Variants in OR4E2 observed in about 807,000 individuals in gnomAD.
The protein encoded by OR4E2 is olfactory receptor family 4 subfamily E member 2.
A neutral mutation model predicts 11.0 loss-of-function variants in OR4E2; 9 were observed. That is an observed-to-expected ratio of 0.82 (90% CI 0.49 to 1.43). OR4E2 has a LOEUF of 1.43. Among genes scored for constraint, OR4E2 ranks in the 40% most tolerant of loss-of-function variants. The pLI is 0.00. For synonymous variants in OR4E2, 159 were observed against 147.3 expected, an observed-to-expected ratio of 1.08 and a Z score of -0.57; for missense variants, 441 against 382.0, an observed-to-expected ratio of 1.15 and a Z score of -1.29.
intron 2 of OR4E2, among the ~76,000 whole-genome samples, chr14:21,657,444 C>T (rs373130078): frequency 8.0e-3 from 20 of 2,514 alleles, no homozygotes; most frequent in East Asian, 0.024. Context: ...TCTTTCTTTC[C>T]TTCCTTCCTT....
intron 3 of OR4E2, among the ~76,000 whole-genome samples, chr14:21,664,534 GA>G (rs1476360695): frequency 6.6e-6 from 1 of 152,188 alleles, no homozygotes; most frequent in African/African-American, 2.4e-5. Flanking sequence ...TAAAGACAAA[GA>G]TTTTGGAAGG....
intron 3 of OR4E2, among the ~76,000 whole-genome samples, chr14:21,661,410 C>T (rs1313712929): frequency 1.3e-5 from 2 of 152,182 alleles, no homozygotes; most frequent in Admixed American, 1.3e-4. Context: ...TCCTTTGTCC[C>T]TCCCTTCCTC....
chr14:21,665,961 G>A lies in OR4E2; in HGVS notation c.879G>A (p.Glu293=), dbSNP rs1880626842. ...NPFIYTLRNE[E]VKSAMKQLRQ... is the part of the protein sequence containing the mutation. ...TCATTTACACCTTGAGGAATGAGGA[G>A]GTAAAAAGTGCCATGAAGCAGCTCA... Residue 293 remains glutamate (E), a synonymous_variant, in exon 4 of 4, where the codon GAG becomes GAA. Transcript: ENST00000641524. 1.2e-6 allele frequency: 2 copies of A among 1,614,018 alleles called. No individual in the cohort carries two copies. The highest frequency in any genetic ancestry group is 1.7e-6 in the Non-Finnish European group (2 of 1,179,996).
intron 2 of OR4E2, among the ~76,000 whole-genome samples, 185 bp downstream of exon 2, chr14:21,656,774 A>C (rs996075433): frequency 6.6e-6 from 1 of 152,204 alleles, no homozygotes; most frequent in Non-Finnish European, 1.5e-5. Context: ...TTTTCTGTCT[A>C]AGGAATCAGA....
chr14:21,661,469 T>A (rs989242385), intron 3 of OR4E2, among the ~76,000 whole-genome samples: 13 of 152,188 alleles, frequency 8.5e-5, no homozygotes, highest in Non-Finnish European at 1.9e-4. Context: ...CATAATAGGT[T>A]CTTTTGCTTA....
Position 21,665,807 on chromosome 14 carries a change from C to A in OR4E2, c.725C>A (p.Ala242Asp). The A allele has an allele frequency of 6.2e-7, 1 of 1,613,596 alleles. No homozygotes were observed. The highest frequency in any genetic ancestry group is 1.1e-5 in the South Asian group (1 of 90,994). The part of the protein sequence containing the change: ...GRRKALSTCS[A>D]HFMVVALFFG... ...CGGAAAGCCCTGTCTACCTGCTCGG[C>A]CCACTTCATGGTGGTTGCCCTCTTC... The change falls in exon 4 of 4, where the codon GCC becomes GAC. Residue 242 changes from alanine (A) to aspartate (D), a missense_variant. Physicochemically the swap from Ala to Asp is moderately radical, Grantham distance 126. Coordinates refer to ENST00000641524, the MANE Select transcript of OR4E2 (RefSeq NM_001001912.3).
At chr14:21,658,598 A>G (rs996009669) in intron 2 of OR4E2, among the ~76,000 whole-genome samples, 17 of 152,130 alleles carry the variant, frequency 1.1e-4, no homozygotes, top group Non-Finnish European at 2.2e-4. Context: ...TCATTGATGA[A>G]AAGTAAAGAT....
In OR4E2 at chr14:21,665,989, C is replaced by A. The variant is rs528281459; in HGVS notation, c.907C>A (p.Gln303Lys). The A allele has an allele frequency of 6.2e-7, 1 of 1,613,798 alleles. No individual in the cohort carries two copies. Among genetic ancestry groups the A allele is most frequent in the African/African-American group, 1.3e-5 (1 of 74,976 alleles). The change falls in exon 4 of 4, where the codon CAG becomes AAG. Residue 303 changes from glutamine (Q) to lysine (K), a missense_variant. Gln to Lys is a moderately conservative substitution (Grantham distance 53, BLOSUM62 1). Transcript: ENST00000641524. Reference sequence around the variant, plus strand: ...AAAAAGTGCCATGAAGCAGCTCAGGCAGAGACAAGTTTTTTTCACGAAATC... The same window carrying A: ...AAAAAGTGCCATGAAGCAGCTCAGGAAGAGACAAGTTTTTTTCACGAAATC... ...EVKSAMKQLR[Q>K]RQVFFTKSYT
intron 2 of OR4E2, among the ~76,000 whole-genome samples, chr14:21,657,952 C>T (rs1465817369): frequency 6.6e-6 from 1 of 152,192 alleles, no homozygotes; most frequent in Non-Finnish European, 1.5e-5. Context: ...ACACAACCTT[C>T]AGCTCTAAAA....
chr14:21,663,480 G>GA (rs1253950762), intron 3 of OR4E2, among the ~76,000 whole-genome samples: 120,637 of 149,454 alleles, frequency 0.81, 48,733 homozygotes, highest in Non-Finnish European at 0.85. Context: ...ACTCCGTCTC[G>GA]AAAAAAATTT....
intron 2 of OR4E2, among the ~76,000 whole-genome samples, chr14:21,657,348 T>TCCTTCCTTCCTTCCTTCCTA (rs1880007846): frequency 7.2e-6 from 1 of 138,348 alleles, no homozygotes; most frequent in African/African-American, 2.7e-5. Flanking sequence ...CTTCCTTCCT[T>TCCTTCCTTCCTTCCTTCCTA]CCTTCCTTCC....
At position 21,665,116 on chromosome 14, in the gene OR4E2, T is replaced by C. The variant is rs143574547; in HGVS notation, c.34T>C (p.Phe12Leu). 257 of 1,612,914 alleles carry C rather than the reference T, an allele frequency of 1.6e-4. No homozygotes were observed. The African/African-American group carries it at 3.0e-3, about 19-fold the overall frequency. ...DSLNQTRVTE[F>L]VFLGLTDNRV... is the part of the protein sequence containing the mutation. Reference sequence around the variant, plus strand: ...TCTAAACCAAACAAGAGTGACTGAATTTGTCTTCTTGGGACTCACTGATAA... The same window carrying C: ...TCTAAACCAAACAAGAGTGACTGAACTTGTCTTCTTGGGACTCACTGATAA... Residue 12 changes from phenylalanine (F) to leucine (L), a missense_variant, in exon 4 of 4, where the codon TTT becomes CTT. Coordinates refer to ENST00000641524, the MANE Select transcript of OR4E2 (RefSeq NM_001001912.3).
Position 21,665,561 on chromosome 14 carries a change from CCTT to C in OR4E2, c.483_485del (p.Phe161del). On this transcript the variant is annotated inframe_deletion, in exon 4 of 4. Coordinates refer to ENST00000641524, the MANE Select transcript of OR4E2 (RefSeq NM_001001912.3). ...GGTACTGTTCACTCACTAGGGCAGACCTTCTTGACTATTCGTCTACCTTACTGT... is the reference window on the plus strand; with the variant it reads ...GGTACTGTTCACTCACTAGGGCAGACCTTGACTATTCGTCTACCTTACTGT... 6.2e-7 allele frequency: 1 copy of C among 1,614,150 alleles called. No homozygotes were observed. Among genetic ancestry groups the C allele is most frequent in the Non-Finnish European group, 8.5e-7 (1 of 1,180,024 alleles).
chr14:21,657,803 T>C (rs1278472649), intron 2 of OR4E2, among the ~76,000 whole-genome samples: 3 of 152,084 alleles, frequency 2.0e-5, no homozygotes. Context: ...TTGGCCAGGC[T>C]GGTCTCAAAC....
chr14:21,657,433 TTCTTTCTTTCC>T (rs2139799111), intron 2 of OR4E2, among the ~76,000 whole-genome samples: 2 of 112,892 alleles, frequency 1.8e-5, no homozygotes, highest in South Asian at 3.4e-4. Flanking sequence ...TCTTTCTTTC[TTCTTTCTTTCC>T]TTCCTTCCTT....
rs1446785899 is a variant in OR4E2 at position 21,657,432 on chromosome 14, CTTCT to C, written c.-103+851_-103+854del. 3.4e-3 allele frequency among the ~76,000 whole-genome samples: 334 copies of C among 98,674 alleles called. 4 individuals carry two copies. The highest frequency in any genetic ancestry group is 0.012 in the African/African-American group (301 of 24,960). The allele number at this position is 98,674 out of a possible 152,430, so 64.7% of individuals were successfully genotyped here. On this transcript the variant is annotated intron_variant, in intron 2 of 3. Transcript: ENST00000641524. The stretch of plus-strand genomic sequence containing the variant: ...TTTCTTTCTTTCTTTCTCTTTCTTT[CTTCT>C]TTCTTTCCTTCCTTCCTTCCTTCCT...
Position 21,665,497 on chromosome 14 carries a change from A to T in OR4E2, c.415A>T (p.Arg139Ter). Residue 139 changes from arginine (R) to a stop codon, truncating the protein, a stop_gained, in exon 4 of 4, where the codon AGA becomes TGA. Transcript: ENST00000641524. LOFTEE classifies it high-confidence loss of function. ...PLHYPNVMNM[R>*]VCIQLVFALW... ...CCACTACCCCAATGTGATGAACATG[A>T]GAGTCTGTATACAGCTTGTCTTTGC... The T allele has an allele frequency of 6.2e-7, 1 of 1,614,172 alleles. No individual in the cohort carries two copies. Among genetic ancestry groups the T allele is most frequent in the South Asian group, 1.1e-5 (1 of 91,080 alleles).
chr14:21,660,634 T>A lies in OR4E2; in HGVS notation c.-102-19T>A, dbSNP rs1880270601. The stretch of plus-strand genomic sequence containing the variant: ...GTGAAATGATTTAATCTGATCTATT[T>A]TTTTTTTTTTTTTTAAAGATGGCAT... On this transcript the variant is annotated intron_variant, in intron 2 of 3. Transcript: ENST00000641524. 1 of 93,592 alleles carries A rather than the reference T, an allele frequency of 1.1e-5. No homozygotes were observed. The highest frequency in any genetic ancestry group is 4.4e-5 in the African/African-American group (1 of 22,526). 5.8% of individuals were successfully genotyped at this position (93,592 alleles called of 1,614,324 possible).
At chr14:21,660,085 A>G (rs1272890528) in intron 2 of OR4E2, among the ~76,000 whole-genome samples, 1 of 152,170 alleles carries the variant, frequency 6.6e-6, no homozygotes, top group African/African-American at 2.4e-5. Flanking sequence ...ACCAGGGACC[A>G]GTTTCATGGA....
Sources: gnomAD v4.1 joint callset for allele counts (sites outside exome capture counted in the v4.1 genomes callset) on GRCh38, gnomAD v4.1.1 for gene constraint, MANE v1.5 for transcripts, NCBI Gene and HGNC (gene_info 2026-07-23, HGNC 2026-07-21) for gene names.